The following MTUS2 variants were observed in gnomAD, a reference collection of about 807,000 sequenced individuals.
The protein encoded by MTUS2 is microtubule-associated tumor suppressor candidate 2.
MTUS2 carries 40 observed loss-of-function variants against 114.1 expected under a neutral mutation model. The observed-to-expected ratio is 0.35, with a 90% CI of 0.27 to 0.46. The LOEUF (loss-of-function observed/expected upper bound fraction) is 0.46, where lower values mean the gene tolerates loss of function less well. Among genes scored for constraint, MTUS2 ranks in the 20% least tolerant of loss-of-function variants. The probability of loss-of-function intolerance (pLI) is 1.00; values close to 1 mark genes in which losing one functional copy is unlikely to be tolerated. For missense variants in MTUS2, 1,679 were observed against 1,705.4 expected (o/e 0.98, Z 0.27); for synonymous variants, 688 against 672.0 (o/e 1.02, Z -0.37).
At chr13:29,324,811 T>C in intron 7 of MTUS2, 100 bp downstream of exon 7, 1 of 879,156 alleles carries the variant, frequency 1.1e-6, no homozygotes, top group Non-Finnish European at 1.8e-6. Context: ...CCATGTGATT[T>C]ACTCAATTGT....
At position 29,404,993 on chromosome 13, in the gene MTUS2, ATAGT is replaced by A. The variant is rs541082970; in HGVS notation, c.3118-34985_3118-34982del. Among the ~76,000 whole-genome samples, 473 of 152,344 alleles carry A rather than the reference ATAGT, an allele frequency of 3.1e-3. 1 individual carries two copies. The highest frequency in any genetic ancestry group is 0.011 in the African/African-American group (454 of 41,588). On this transcript the variant is annotated intron_variant, in intron 8 of 15. Coordinates refer to ENST00000612955, the MANE Select transcript of MTUS2 (RefSeq NM_001033602.4). Reference sequence around the variant, plus strand: ...AAGTTCTTTTTATTTAATTTTAGGCATAGTTAGTAAGCCTCAAGAAGCCTTTCTT... The same window carrying A: ...AAGTTCTTTTTATTTAATTTTAGGCATAGTAAGCCTCAAGAAGCCTTTCTT...
chr13:28,858,636 T>G (rs1379620733), intron 2 of MTUS2, among the ~76,000 whole-genome samples: 1 of 152,154 alleles, frequency 6.6e-6, no homozygotes. Flanking sequence ...AGGGGACATA[T>G]ACTTTAAAAT....
In MTUS2 at chr13:29,250,003, A is replaced by G. The variant is rs73451213; in HGVS notation, c.2645-31701A>G. On this transcript the variant is annotated intron_variant, in intron 5 of 15. Coordinates refer to ENST00000612955, the MANE Select transcript of MTUS2 (RefSeq NM_001033602.4). ...GATGAAATAACCAAAAGCAATTGCA[A>G]CAAAAGCTAAAATCGACAAATGAGA... Among the ~76,000 whole-genome samples, 867 of 152,354 alleles carry G rather than the reference A, an allele frequency of 5.7e-3. 4 individuals are homozygous for G. The highest frequency in any genetic ancestry group is 0.02 in the African/African-American group (811 of 41,588).
At chr13:29,127,604 A>T (rs1294297974) in intron 5 of MTUS2, among the ~76,000 whole-genome samples, 1 of 152,176 alleles carries the variant, frequency 6.6e-6, no homozygotes, top group East Asian at 1.9e-4. Flanking sequence ...TGGCTTTGTC[A>T]GCCCCCATAA....
At chr13:29,207,026 T>A (rs1422693474) in intron 5 of MTUS2, among the ~76,000 whole-genome samples, 1 of 152,228 alleles carries the variant, frequency 6.6e-6, no homozygotes, top group Non-Finnish European at 1.5e-5. Context: ...ATATTGATTC[T>A]ACCCATTCAT....
intron 8 of MTUS2, among the ~76,000 whole-genome samples, chr13:29,368,522 G>A (rs762674122): frequency 2.0e-5 from 3 of 152,270 alleles, no homozygotes; most frequent in African/African-American, 4.8e-5. Context: ...AATGATAAAT[G>A]TTTGAGGTGA....
At chr13:29,319,776 G>A (rs1300599606) in intron 6 of MTUS2, among the ~76,000 whole-genome samples, 8 of 152,120 alleles carry the variant, frequency 5.3e-5, no homozygotes, top group African/African-American at 1.7e-4. Flanking sequence ...AGCCTTAGCC[G>A]CACAGAGTCT....
At chr13:29,115,809 G>A (rs1484376602) in intron 5 of MTUS2, among the ~76,000 whole-genome samples, 1 of 152,200 alleles carries the variant, frequency 6.6e-6, no homozygotes, top group African/African-American at 2.4e-5. Flanking sequence ...TTGGGCCTCA[G>A]GTTCTTCATC....
At chr13:29,343,874 G>T (rs1011330890) in intron 7 of MTUS2, among the ~76,000 whole-genome samples, 5 of 152,056 alleles carry the variant, frequency 3.3e-5, no homozygotes, top group African/African-American at 1.2e-4. Context: ...TTGGTTCAAA[G>T]AATTTTTAAA....
chr13:29,030,380 G>A (rs1025449469), intron 3 of MTUS2, among the ~76,000 whole-genome samples: 6 of 152,142 alleles, frequency 3.9e-5, no homozygotes, highest in East Asian at 1.9e-4. Context: ...TTACAAGTTC[G>A]TTTGAAATGT....
intron 2 of MTUS2, among the ~76,000 whole-genome samples, chr13:28,914,831 A>G (rs376749219): frequency 1.3e-5 from 2 of 152,002 alleles, no homozygotes; most frequent in East Asian, 3.9e-4. Context: ...CTTTACCATT[A>G]TGTAATCCCC....
At chr13:29,018,177 C>G (rs1017772339) in intron 2 of MTUS2, among the ~76,000 whole-genome samples, 4 of 152,038 alleles carry the variant, frequency 2.6e-5, no homozygotes, top group Admixed American at 6.6e-5. Context: ...TTTTACAGGG[C>G]AAATGTACTT....
At chr13:29,497,033 G>A (rs1882593512) in intron 12 of MTUS2, among the ~76,000 whole-genome samples, 1 of 152,108 alleles carries the variant, frequency 6.6e-6, no homozygotes, top group Admixed American at 6.5e-5. Context: ...CTAAGAAGGA[G>A]GGAGCCGAGG....
At chr13:28,959,816 A>T (rs955761990) in intron 2 of MTUS2, among the ~76,000 whole-genome samples, 1 of 152,192 alleles carries the variant, frequency 6.6e-6, no homozygotes, top group Non-Finnish European at 1.5e-5. Context: ...GTACATTTCA[A>T]CATGGGATTT....
In MTUS2 at chr13:29,390,114, TACAC is replaced by T. The variant is rs145481007; in HGVS notation, c.3117+30647_3117+30650del. Among the ~76,000 whole-genome samples, 10 of 71,950 alleles carry T rather than the reference TACAC, an allele frequency of 1.4e-4. 2 individuals are homozygous for T. The highest frequency in any genetic ancestry group is 5.4e-4 in the East Asian group (1 of 1,860). 47.2% of individuals were successfully genotyped at this position (71,950 alleles called of 152,430 possible). On this transcript the variant is annotated intron_variant, in intron 8 of 15. Coordinates refer to ENST00000612955, the MANE Select transcript of MTUS2 (RefSeq NM_001033602.4). ...GTACACATACACATATATATACACA[TACAC>T]ACACAAACATATATACTGACTATAT...
At chr13:29,021,682 G>A (rs936153594) in intron 2 of MTUS2, among the ~76,000 whole-genome samples, 38 of 152,230 alleles carry the variant, frequency 2.5e-4, no homozygotes, top group African/African-American at 7.0e-4. Context: ...CAAGATACCC[G>A]TTTCTCATCC....
At chr13:29,231,691 C>T (rs1896331387) in intron 5 of MTUS2, among the ~76,000 whole-genome samples, 1 of 152,204 alleles carries the variant, frequency 6.6e-6, no homozygotes, top group Non-Finnish European at 1.5e-5. Context: ...GTTGCAACAG[C>T]TATTTGTTCA....
intron 5 of MTUS2, among the ~76,000 whole-genome samples, chr13:29,225,836 T>TC (rs1461699533): frequency 1.3e-5 from 2 of 152,218 alleles, no homozygotes; most frequent in African/African-American, 4.8e-5. Flanking sequence ...ATTAGTATTG[T>TC]CCTGGGATGT....
At chr13:29,113,149 G>A (rs1237518575) in intron 5 of MTUS2, among the ~76,000 whole-genome samples, 1 of 152,168 alleles carries the variant, frequency 6.6e-6, no homozygotes, top group Non-Finnish European at 1.5e-5. Context: ...ACTCCAAAGT[G>A]AATATATAAT....
Sources: gnomAD v4.1 joint callset for allele counts (sites outside exome capture counted in the v4.1 genomes callset) on GRCh38, gnomAD v4.1.1 for gene constraint, MANE v1.5 for transcripts, NCBI Gene and HGNC (gene_info 2026-07-23, HGNC 2026-07-21) for gene names.